Variants in ABHD12B observed in about 807,000 individuals in gnomAD.
ABHD12B encodes abhydrolase domain containing 12B.
In ABHD12B, 42 loss-of-function variants were observed where a neutral mutation model predicts 50.4. The observed-to-expected ratio is 0.83, with a 90% CI of 0.65 to 1.08. The LOEUF (loss-of-function observed/expected upper bound fraction) is 1.08, where lower values mean the gene tolerates loss of function less well. ABHD12B is among the 50% of genes least tolerant of loss of function. The pLI is 0.00. For missense variants in ABHD12B, 479 were observed against 447.7 expected (o/e 1.07, Z -0.63); for synonymous variants, 167 against 160.3 (o/e 1.04, Z -0.32).
chr14:50,900,322 C>A (rs561900752), intron 9 of ABHD12B, among the ~76,000 whole-genome samples: 1 of 152,108 alleles, frequency 6.6e-6, no homozygotes. Flanking sequence ...ACAAAGTGTA[C>A]GCCAGGGATA....
chr14:50,899,816 G>A (rs990817652), intron 9 of ABHD12B, among the ~76,000 whole-genome samples: 3 of 151,994 alleles, frequency 2.0e-5, no homozygotes, highest in African/African-American at 7.3e-5. Context: ...CAGCTACTTG[G>A]GTGGCTGAGG....
intron 9 of ABHD12B, chr14:50,891,852 G>T (rs1181332152): frequency 6.6e-6 from 1 of 152,146 alleles, no homozygotes; most frequent in Non-Finnish European, 1.5e-5. Context: ...ATAGAGAGAG[G>T]TCTGGTGGTA....
chr14:50,898,208 A>G (rs920966558), intron 9 of ABHD12B, among the ~76,000 whole-genome samples: 1 of 152,230 alleles, frequency 6.6e-6, no homozygotes, highest in Non-Finnish European at 1.5e-5. Context: ...TGAGTTTGTC[A>G]TCATTGCTTC....
chr14:50,900,730 A>G (rs933104095), intron 9 of ABHD12B, among the ~76,000 whole-genome samples: 1 of 152,182 alleles, frequency 6.6e-6, no homozygotes, highest in Admixed American at 6.5e-5. Context: ...CAGGCCTGAC[A>G]TGTTCCAGAA....
chr14:50,897,461 C>T (rs2050212569), intron 9 of ABHD12B, among the ~76,000 whole-genome samples: 1 of 152,180 alleles, frequency 6.6e-6, no homozygotes. Context: ...TGCTTCTTGA[C>T]TTAAAGTCAA....
At chr14:50,895,579 C>T (rs1465617728) in intron 9 of ABHD12B, 1 of 152,148 alleles carries the variant, frequency 6.6e-6, no homozygotes, top group Non-Finnish European at 1.5e-5. Flanking sequence ...CCCAGAGCCC[C>T]TGGAACTCTG....
In ABHD12B at chr14:50,884,438, C is replaced by T. The variant is rs535276586; in HGVS notation, c.487-1176C>T. On this transcript the variant is annotated intron_variant, in intron 5 of 12. Coordinates refer to ENST00000337334, the MANE Select transcript of ABHD12B (RefSeq NM_001206673.2). ...TTTACAAGTTCCTAATGAGGTTTTG[C>T]CACCCGGATATAAAATGCAGTGGGA... Among the ~76,000 whole-genome samples the T allele has an allele frequency of 6.0e-4, 91 of 152,308 alleles. No individual in the cohort carries two copies. In the South Asian group the frequency reaches 0.018, roughly 31 times the overall value.
Position 50,872,231 on chromosome 14 carries a change from C to A in ABHD12B, c.57C>A (p.Ala19=). The A allele has an allele frequency of 7.2e-7, 1 of 1,395,170 alleles. No homozygotes were observed. The highest frequency in any genetic ancestry group is 9.3e-7 in the Non-Finnish European group (1 of 1,071,238). The allele number at this position is 1,395,170 out of a possible 1,614,324, so 86.4% of individuals were successfully genotyped here. Residue 19 remains alanine, a synonymous_variant, in exon 1 of 13, where the codon GCC becomes GCA. Coordinates refer to ENST00000337334, the MANE Select transcript of ABHD12B (RefSeq NM_001206673.2). Reference sequence around the variant, plus strand: ...CGCCCGAGCCGCCCGGGCCCCCAGCCCGTAGCTGCGTGGCCGCCTGGTGGG... The same window carrying A: ...CGCCCGAGCCGCCCGGGCCCCCAGCACGTAGCTGCGTGGCCGCCTGGTGGG... ...AASPEPPGPP[A]RSCVAAWWDM...
At chr14:50,895,221 C>T (rs1055607703) in intron 9 of ABHD12B, among the ~76,000 whole-genome samples, 5 of 149,532 alleles carry the variant, frequency 3.3e-5, no homozygotes, top group African/African-American at 7.7e-5. Context: ...AATCTGCTCC[C>T]GACATTAAAT....
intron 5 of ABHD12B, 69 bp downstream of exon 5, chr14:50,881,695 G>A: frequency 6.3e-7 from 1 of 1,590,240 alleles, no homozygotes; most frequent in Admixed American, 1.7e-5. Context: ...ATTTTCCTCA[G>A]GCCCTCCGCG....
intron 9 of ABHD12B, chr14:50,895,443 T>C (rs1413427505): frequency 6.6e-6 from 1 of 152,184 alleles, no homozygotes; most frequent in Non-Finnish European, 1.5e-5. Flanking sequence ...AGGAGCTTGC[T>C]ACACGTGCCG....
At chr14:50,881,148 C>G (rs1189962752) in intron 4 of ABHD12B, among the ~76,000 whole-genome samples, 1 of 152,206 alleles carries the variant, frequency 6.6e-6, no homozygotes, top group Non-Finnish European at 1.5e-5. Context: ...GAGTCTGGCT[C>G]CCCTTCGATG....
chr14:50,895,053 C>T (rs534848322), intron 9 of ABHD12B, among the ~76,000 whole-genome samples: 2 of 149,452 alleles, frequency 1.3e-5, no homozygotes, highest in Admixed American at 6.6e-5. Flanking sequence ...GCTCCTTTTT[C>T]TTTATCCCAA....
rs1263616396 is a variant in ABHD12B, at chr14:50,904,201, T to A, written c.1061+9T>A. 1 of 1,613,890 alleles carries A rather than the reference T, an allele frequency of 6.2e-7. No homozygotes were observed. The highest frequency in any genetic ancestry group is 1.3e-5 in the African/African-American group (1 of 74,940). On this transcript the variant is annotated intron_variant, in intron 12 of 12. Transcript: ENST00000337334. ...CTGTTAATAACCGTGAGGTAAGAGTTGCTTTGCTAAATGTATGTTGCCCTT... is the reference window on the plus strand; with the variant it reads ...CTGTTAATAACCGTGAGGTAAGAGTAGCTTTGCTAAATGTATGTTGCCCTT...
rs573171806 is a variant in ABHD12B, at chr14:50,877,979, C to T, written c.132C>T (p.Leu44=). The T allele has an allele frequency of 2.7e-4, 412 of 1,533,738 alleles. No homozygotes were observed. Among genetic ancestry groups the T allele is most frequent in the South Asian group, 1.2e-3 (96 of 83,290 alleles). ...ATTTTCCACACTCCTGTTCAATGCT[C>T]GGAAGAAAAATTGCTGCTCTGTATG... ...LRYFPHSCSM[L]GRKIAALYDS... Residue 44 remains leucine, a synonymous_variant, in exon 2 of 13, where the codon CTC becomes CTT. Coordinates refer to ENST00000337334, the MANE Select transcript of ABHD12B (RefSeq NM_001206673.2).
intron 5 of ABHD12B, among the ~76,000 whole-genome samples, chr14:50,885,029 G>A (rs529925031): frequency 1.4e-4 from 21 of 152,036 alleles, no homozygotes; most frequent in Non-Finnish European, 2.6e-4. Flanking sequence ...AGACCTAAAG[G>A]CGACTATTAT....
Position 50,903,406 on chromosome 14 carries a change from C to G in ABHD12B, c.881C>G (p.Ser294Cys), listed in dbSNP as rs778330094. ...GTCCCTAGTGTTAAATTCCTTTCTT[C>G]TCCTCTTCTCATCTTACATGGAGAG... Reference protein sequence around the residue: ...PNDENVKFLSSPLLILHGEDD... With the variant: ...PNDENVKFLSCPLLILHGEDD... The change falls in exon 11 of 13, where the codon TCT becomes TGT. Residue 294 changes from serine to cysteine, a missense_variant. Coordinates refer to ENST00000337334, the MANE Select transcript of ABHD12B (RefSeq NM_001206673.2). 1.3e-4 allele frequency: 214 copies of G among 1,612,068 alleles called. 2 individuals are homozygous for G. The Admixed American group carries it at 3.4e-3, about 26-fold the overall frequency.
At chr14:50,898,001 A>C (rs904047849) in intron 9 of ABHD12B, among the ~76,000 whole-genome samples, 2 of 152,222 alleles carry the variant, frequency 1.3e-5, no homozygotes, top group Admixed American at 6.5e-5. Flanking sequence ...AAGACTTCAG[A>C]GCCTATTGGA....
At chr14:50,901,978 T>C in intron 10 of ABHD12B, 67 bp downstream of exon 10, 1 of 1,052,264 alleles carries the variant, frequency 9.5e-7, no homozygotes, top group Non-Finnish European at 1.4e-6. Flanking sequence ...AACTATCATG[T>C]GACTTACTGG....
Sources: gnomAD v4.1 joint callset for allele counts (sites outside exome capture counted in the v4.1 genomes callset) on GRCh38, gnomAD v4.1.1 for gene constraint, MANE v1.5 for transcripts, NCBI Gene and HGNC (gene_info 2026-07-23, HGNC 2026-07-21) for gene names.